The following ZNF385D variants were observed in gnomAD, a reference collection of about 807,000 sequenced individuals.
ZNF385D encodes zinc finger protein 385D.
ZNF385D carries 15 observed loss-of-function variants against 35.8 expected under a neutral mutation model. The ratio of observed to expected loss-of-function variants is 0.42; its 90% CI spans 0.28 to 0.64. The LOEUF (loss-of-function observed/expected upper bound fraction) is 0.64, where lower values mean the gene tolerates loss of function less well. Ranked by LOEUF, ZNF385D falls within the 30% of genes least tolerant of loss-of-function variation. ZNF385D has a pLI of 0.23. For missense variants in ZNF385D, 474 were observed against 494.6 expected, an observed-to-expected ratio of 0.96 and a Z score of 0.39; for synonymous variants, 212 against 186.8, an observed-to-expected ratio of 1.13 and a Z score of -1.10.
intron 3 of ZNF385D, among the ~76,000 whole-genome samples, chr3:22,044,494 C>A (rs1039466605): frequency 1.3e-5 from 2 of 152,018 alleles, no homozygotes; most frequent in Middle Eastern, 6.8e-3. Context: ...GGCTGAAGCA[C>A]TTTAAGTATT....
intron 2 of ZNF385D, among the ~76,000 whole-genome samples, chr3:22,355,991 G>A (rs186514511): frequency 1.3e-5 from 2 of 152,062 alleles, no homozygotes; most frequent in East Asian, 1.9e-4. Flanking sequence ...ATGCATGTAG[G>A]CTAAAAATAT....
intron 3 of ZNF385D, among the ~76,000 whole-genome samples, chr3:21,944,915 C>T (rs895510131): frequency 4.6e-5 from 7 of 152,004 alleles, no homozygotes; most frequent in Non-Finnish European, 7.4e-5. Flanking sequence ...TAGAGCAGTA[C>T]AGTTGAGTAC....
chr3:21,513,602 A>G (rs560875260), intron 3 of ZNF385D, among the ~76,000 whole-genome samples: 149 of 152,222 alleles, frequency 9.8e-4, no homozygotes, highest in Non-Finnish European at 1.8e-3. Context: ...ATTTAGGAGA[A>G]ATTGAGTATA....
At chr3:22,061,122 A>C (rs2125541626) in intron 3 of ZNF385D, among the ~76,000 whole-genome samples, 1 of 151,474 alleles carries the variant, frequency 6.6e-6, no homozygotes, top group East Asian at 2.0e-4. Context: ...TGATTAATTA[A>C]ATTAAATTAA....
At chr3:22,030,301 A>ATATATATATATATATC (rs1553591399) in intron 3 of ZNF385D, among the ~76,000 whole-genome samples, 1 of 110,490 alleles carries the variant, frequency 9.1e-6, no homozygotes, top group African/African-American at 3.6e-5. Flanking sequence ...ATATATATAT[A>ATATATATATATATATC]TCCTATTTGG....
At chr3:21,449,357 T>C (rs1173862921) in intron 4 of ZNF385D, among the ~76,000 whole-genome samples, 3 of 152,088 alleles carry the variant, frequency 2.0e-5, no homozygotes, top group African/African-American at 4.8e-5. Context: ...ATTTCACTCG[T>C]TGGGATCTTG....
intron 3 of ZNF385D, among the ~76,000 whole-genome samples, chr3:22,092,877 T>C (rs1347640963): frequency 6.6e-6 from 1 of 152,200 alleles, no homozygotes; most frequent in Non-Finnish European, 1.5e-5. Context: ...CCAGGAATTA[T>C]TAATTTTTTA....
chr3:21,742,409 T>C (rs1575573158), intron 1 of ZNF385D, among the ~76,000 whole-genome samples: 1 of 152,208 alleles, frequency 6.6e-6, no homozygotes, highest in Non-Finnish European at 1.5e-5. Flanking sequence ...CCCATTTAAA[T>C]TGCTACTTAT....
At chr3:21,699,294 C>T (rs1280692051) in intron 1 of ZNF385D, among the ~76,000 whole-genome samples, 6 of 151,916 alleles carry the variant, frequency 3.9e-5, no homozygotes, top group Non-Finnish European at 1.5e-5. Context: ...ACAATGAGAA[C>T]ACATGGACAC....
At chr3:22,033,580 A>G (rs545836265) in intron 3 of ZNF385D, among the ~76,000 whole-genome samples, 92 of 152,082 alleles carry the variant, frequency 6.0e-4, no homozygotes, top group Non-Finnish European at 9.9e-4. Context: ...AGTATCTATC[A>G]GTGTTCAGTG....
chr3:21,791,854 C>T (rs111528537), intron 3 of ZNF385D, among the ~76,000 whole-genome samples: 24,276 of 151,956 alleles, frequency 0.16, 2,186 homozygotes, highest in Non-Finnish European at 0.19. Context: ...CCTGCCTCAG[C>T]CTCCCGAGTA....
chr3:21,575,421 A>G (rs2063468422), intron 2 of ZNF385D, among the ~76,000 whole-genome samples: 2 of 152,208 alleles, frequency 1.3e-5, no homozygotes, highest in African/African-American at 4.8e-5. Flanking sequence ...AATCTCCTAA[A>G]TCAGGTCAAA....
chr3:21,554,237 A>C (rs181707290), intron 3 of ZNF385D, among the ~76,000 whole-genome samples: 28 of 152,334 alleles, frequency 1.8e-4, no homozygotes, highest in African/African-American at 6.5e-4. Flanking sequence ...TGCACAGTGA[A>C]TGTAGTGTTA....
intron 3 of ZNF385D, among the ~76,000 whole-genome samples, chr3:21,557,223 G>C (rs779725458): frequency 6.6e-6 from 1 of 152,130 alleles, no homozygotes; most frequent in Non-Finnish European, 1.5e-5. Context: ...TGGTGAGAGA[G>C]GGCATCCTTA....
chr3:22,002,684 A>C (rs540135718), intron 3 of ZNF385D, among the ~76,000 whole-genome samples: 1 of 152,282 alleles, frequency 6.6e-6, no homozygotes, highest in African/African-American at 2.4e-5. Context: ...AGACACAAAA[A>C]TCTTCAGGAA....
upstream of ZNF385D, among the ~76,000 whole-genome samples, chr3:21,754,272 T>A (rs1268652635): frequency 6.6e-6 from 1 of 152,194 alleles, no homozygotes; most frequent in Non-Finnish European, 1.5e-5. Flanking sequence ...TGCTTTCATA[T>A]GTCATCTCAA....
chr3:22,237,716 T>G (rs927376681), intron 2 of ZNF385D, among the ~76,000 whole-genome samples: 1 of 152,160 alleles, frequency 6.6e-6, no homozygotes, highest in Non-Finnish European at 1.5e-5. Context: ...CGATCTCAGC[T>G]CACTAGAACC....
intron 2 of ZNF385D, among the ~76,000 whole-genome samples, chr3:22,343,277 A>C (rs1019163583): frequency 6.6e-6 from 1 of 152,214 alleles, no homozygotes; most frequent in Admixed American, 6.5e-5. Flanking sequence ...AAAACAAAAC[A>C]ACCCAGCAAT....
intron 3 of ZNF385D, among the ~76,000 whole-genome samples, chr3:21,931,687 G>A (rs1281542896): frequency 2.0e-5 from 3 of 152,126 alleles, no homozygotes; most frequent in Non-Finnish European, 2.9e-5. Flanking sequence ...GCCTTCGGCT[G>A]GGGTGAGACC....
Sources: gnomAD v4.1 joint callset for allele counts (sites outside exome capture counted in the v4.1 genomes callset) on GRCh38, gnomAD v4.1.1 for gene constraint, MANE v1.5 for transcripts, NCBI Gene and HGNC (gene_info 2026-07-23, HGNC 2026-07-21) for gene names.